Variants in PTP4A1 observed in about 807,000 individuals in gnomAD.
PTP4A1 encodes protein tyrosine phosphatase type IVA 1.
PTP4A1 carries 9 observed loss-of-function variants against 20.5 expected under a neutral mutation model. That is an observed-to-expected ratio of 0.44 (90% CI 0.26 to 0.77). PTP4A1 has a LOEUF of 0.77. Ranked by LOEUF, PTP4A1 falls within the 30% of genes least tolerant of loss-of-function variation. The pLI, the probability that PTP4A1 is intolerant of heterozygous loss-of-function variation, is 0.19. For synonymous variants in PTP4A1, 78 were observed against 67.4 expected (o/e 1.16, Z -0.77); for missense variants, 137 against 218.8 (o/e 0.63, Z 2.36).
chr6:63,557,607 G>T (rs1776746780), intron 3 of PTP4A1, among the ~76,000 whole-genome samples: 1 of 152,062 alleles, frequency 6.6e-6, no homozygotes, highest in African/African-American at 2.4e-5. Flanking sequence ...TTTAGGGGAA[G>T]TAGCAAGAGA....
intron 2 of PTP4A1, chr6:63,549,037 C>T (rs1480348154): frequency 6.9e-6 from 5 of 726,080 alleles, no homozygotes; most frequent in Non-Finnish European, 1.3e-5. Context: ...ACGTCGTGTG[C>T]AATCACCACC....
At chr6:63,545,217 C>T (rs944488559) in intron 2 of PTP4A1, among the ~76,000 whole-genome samples, 4 of 152,176 alleles carry the variant, frequency 2.6e-5, no homozygotes, top group Non-Finnish European at 2.9e-5. Flanking sequence ...TTTGGGGCAA[C>T]TGGAAGTCTC....
intron 2 of PTP4A1, among the ~76,000 whole-genome samples, chr6:63,536,103 C>T (rs1039558304): frequency 4.6e-5 from 7 of 151,686 alleles, no homozygotes; most frequent in Admixed American, 2.0e-4. Context: ...AGGCCGAGGC[C>T]GGTGCATCAC....
intron 3 of PTP4A1, among the ~76,000 whole-genome samples, chr6:63,562,137 A>G (rs979388521): frequency 4.0e-5 from 6 of 151,388 alleles, no homozygotes; most frequent in African/African-American, 1.5e-4. Context: ...TTTTTATAGC[A>G]TTTCTTTTTA....
In PTP4A1 at chr6:63,526,051, G is replaced by T. The variant is rs190253854; in HGVS notation, c.-905-1768G>T. Among the ~76,000 whole-genome samples the T allele has an allele frequency of 4.3e-4, 66 of 152,264 alleles. No individual in the cohort carries two copies. In the East Asian group the frequency reaches 0.011, roughly 24 times the overall value. On this transcript the variant is annotated intron_variant, in intron 1 of 3. Coordinates refer to the PTP4A1 transcript ENST00000639568. ...GCCTTAAGAAATTTCTAGGCCAGGC[G>T]CAGTGGCTCATGCCTGTAATCCCAA...
At chr6:63,557,816 G>A (rs191798658) in intron 3 of PTP4A1, among the ~76,000 whole-genome samples, 2 of 152,268 alleles carry the variant, frequency 1.3e-5, no homozygotes, top group Admixed American at 1.3e-4. Context: ...CTAAAAGTCA[G>A]TGTAGGATCA....
chr6:63,563,718 G>A (rs1777064005), intron 3 of PTP4A1, among the ~76,000 whole-genome samples: 1 of 152,186 alleles, frequency 6.6e-6, no homozygotes. Flanking sequence ...AAGGAGGGAA[G>A]GTTGACAGCC....
intron 1 of PTP4A1, among the ~76,000 whole-genome samples, chr6:63,522,386 A>G (rs1273468400): frequency 1.3e-5 from 2 of 152,228 alleles, no homozygotes; most frequent in Non-Finnish European, 2.9e-5. Context: ...CAGAAGATAA[A>G]CAATAAATAA....
intron 3 of PTP4A1, among the ~76,000 whole-genome samples, chr6:63,557,557 C>A (rs1255684675): frequency 6.6e-6 from 1 of 152,044 alleles, no homozygotes; most frequent in Non-Finnish European, 1.5e-5. Flanking sequence ...CAGAGTGAAA[C>A]TCCATTTCAT....
At chr6:63,540,104 T>A (rs74632838) in intron 2 of PTP4A1, among the ~76,000 whole-genome samples, 7 of 152,088 alleles carry the variant, frequency 4.6e-5, no homozygotes, top group Non-Finnish European at 4.4e-5. Flanking sequence ...TGGGTATCCA[T>A]CCCTAAGACA....
Position 63,580,165 on chromosome 6 carries a change from C to T in PTP4A1, c.513C>T (p.Cys171=). 1 of 1,609,336 alleles carries T rather than the reference C, an allele frequency of 6.2e-7. No individual in the cohort carries two copies. The highest frequency in any genetic ancestry group is 1.7e-4 in the Middle Eastern group (1 of 5,764). The change falls in exon 6 of 6, where the codon TGC becomes TGT. Residue 171 remains cysteine (C), a synonymous_variant. Coordinates refer to ENST00000626021, the MANE Select transcript of PTP4A1 (RefSeq NM_003463.5). ...CCAACGGTCATAGAAACAACTGTTG[C>T]ATTCAATAAAATTGGGGTGCCTAAT... ...KDSNGHRNNC[C]IQ is the part of the protein sequence containing the mutation.
At chr6:63,537,868 G>C (rs1211293) in intron 2 of PTP4A1, among the ~76,000 whole-genome samples, 75,442 of 151,994 alleles carry the variant, frequency 0.5, 19,468 homozygotes, top group African/African-American at 0.63. Context: ...GGCCACGGCC[G>C]TAGTGAGAGA....
chr6:63,529,863 A>G (rs929981832), intron 2 of PTP4A1, among the ~76,000 whole-genome samples: 4 of 152,186 alleles, frequency 2.6e-5, no homozygotes, highest in Non-Finnish European at 4.4e-5. Context: ...AAAAATTATC[A>G]ATTAGGTGTA....
chr6:63,579,830 T>G (rs912768635), intron 5 of PTP4A1, among the ~76,000 whole-genome samples: 1 of 152,162 alleles, frequency 6.6e-6, no homozygotes, highest in Non-Finnish European at 1.5e-5. Flanking sequence ...GATTTGTGAG[T>G]CGACTGTTGT....
At chr6:63,579,122 T>C (rs1028015530) in intron 4 of PTP4A1, 94 bp downstream of exon 4, 7 of 1,383,112 alleles carry the variant, frequency 5.1e-6, no homozygotes, top group African/African-American at 3.0e-5. Context: ...TAATATAAAG[T>C]CAACATTTGT....
At chr6:63,540,884 TC>T (rs1775937088) in intron 2 of PTP4A1, among the ~76,000 whole-genome samples, 1 of 149,524 alleles carries the variant, frequency 6.7e-6, no homozygotes, top group African/African-American at 2.5e-5. Context: ...TCACCTATAA[TC>T]CCAACTACTC....
chr6:63,516,626 C>T, the PTP4A1 span, among the ~76,000 whole-genome samples: 1 of 152,190 alleles, frequency 6.6e-6, no homozygotes, highest in South Asian at 2.1e-4. Context: ...AATACTCATT[C>T]TTCTCATCTT....
At chr6:63,540,278 T>C (rs965821756) in intron 2 of PTP4A1, among the ~76,000 whole-genome samples, 4 of 152,154 alleles carry the variant, frequency 2.6e-5, no homozygotes, top group Admixed American at 6.5e-5. Context: ...GAATCATAGA[T>C]AGATCTTAAA....
chr6:63,555,920 G>T (rs1008414054), intron 3 of PTP4A1, among the ~76,000 whole-genome samples: 1 of 151,868 alleles, frequency 6.6e-6, no homozygotes, highest in Admixed American at 6.6e-5. Flanking sequence ...CGAACTCCTG[G>T]CCTCAAGTGA....
Sources: gnomAD v4.1 joint callset for allele counts (sites outside exome capture counted in the v4.1 genomes callset) on GRCh38, gnomAD v4.1.1 for gene constraint, MANE v1.5 for transcripts, NCBI Gene and HGNC (gene_info 2026-07-23, HGNC 2026-07-21) for gene names.